The following ECT2 variants were observed in gnomAD, a reference collection of about 807,000 sequenced individuals.
ECT2 encodes the protein protein ECT2.
In ECT2, 61 loss-of-function variants were observed where a neutral mutation model predicts 116.9. The observed-to-expected ratio is 0.52, with a 90% CI of 0.42 to 0.65. The LOEUF (loss-of-function observed/expected upper bound fraction) is 0.65, where lower values mean the gene tolerates loss of function less well. Among genes scored for constraint, ECT2 ranks in the 30% least tolerant of loss-of-function variants. ECT2 has a pLI of 0.00. For missense variants in ECT2, 937 were observed against 1,078.7 expected, an observed-to-expected ratio of 0.87 and a Z score of 1.84; for synonymous variants, 358 against 346.4, an observed-to-expected ratio of 1.03 and a Z score of -0.37.
chr3:172,768,494 C>T lies in ECT2; in HGVS notation c.1292-513C>T, dbSNP rs1363393425. Among the ~76,000 whole-genome samples, 3 of 152,252 alleles carry T rather than the reference C, an allele frequency of 2.0e-5. No homozygotes were observed. The East Asian group carries it at 5.8e-4, about 29-fold the overall frequency. On this transcript the variant is annotated intron_variant, in intron 12 of 24. Transcript: ENST00000392692. ...CCTTTAGCTTTAAGTACTTAAATGT[C>T]TATTTCCTATGATAGAGACATATTT...
At chr3:172,824,637 T>C (rs145181957), downstream of ECT2, among the ~76,000 whole-genome samples, 1,422 of 152,244 alleles carry the variant, frequency 9.3e-3, 7 homozygotes, top group Admixed American at 0.018. Context: ...AAAATTGGCA[T>C]ATAATAATTA....
chr3:172,791,348 TG>T (rs1724622713), intron 18 of ECT2, among the ~76,000 whole-genome samples: 1 of 152,238 alleles, frequency 6.6e-6, no homozygotes, highest in Admixed American at 6.5e-5. Flanking sequence ...GCCTGTCCTT[TG>T]AAGCTCTGAA....
intron 7 of ECT2, among the ~76,000 whole-genome samples, chr3:172,761,281 G>T (rs994559114): frequency 1.3e-5 from 2 of 152,006 alleles, no homozygotes; most frequent in African/African-American, 4.8e-5. Flanking sequence ...GACTTAGTCG[G>T]ATGTCTTCTT....
chr3:172,807,846 A>G lies in ECT2; in HGVS notation c.2322A>G (p.Thr774=). ...ATGTGCTACTCAGTTTCCAGATGACATCAGATGAACTTCCAAAAGAAAACT... is the reference window on the plus strand; with the variant it reads ...ATGTGCTACTCAGTTTCCAGATGACGTCAGATGAACTTCCAAAAGAAAACT... ...QANVLLSFQM[T]SDELPKENWL... Residue 774 remains threonine (T), a synonymous_variant, in exon 22 of 25, where the codon ACA becomes ACG. Coordinates refer to ENST00000392692, the MANE Select transcript of ECT2 (RefSeq NM_001258315.2). The G allele has an allele frequency of 5.0e-6, 8 of 1,614,028 alleles. No individual in the cohort carries two copies. Among genetic ancestry groups the G allele is most frequent in the Non-Finnish European group, 6.8e-6 (8 of 1,179,894 alleles).
At chr3:172,789,057 C>CAA (rs71162310) in intron 18 of ECT2, among the ~76,000 whole-genome samples, 2,774 of 99,180 alleles carry the variant, frequency 0.028, 66 homozygotes, top group African/African-American at 0.044. Flanking sequence ...GACTCTGTCT[C>CAA]AAAAAAAAAA....
intron 18 of ECT2, among the ~76,000 whole-genome samples, chr3:172,798,140 G>A (rs1726068667): frequency 6.6e-6 from 1 of 152,096 alleles, no homozygotes; most frequent in African/African-American, 2.4e-5. Context: ...TTGTGTAAAA[G>A]ACATTGACAA....
intron 18 of ECT2, chr3:172,796,504 G>A (rs10804849): frequency 0.78 from 118,901 of 152,020 alleles, 46,660 homozygotes; most frequent in East Asian, 0.86. Context: ...TCAATTAGCA[G>A]TAATCGCTCC....
chr3:172,775,270 A>G (rs1158951436), intron 14 of ECT2, among the ~76,000 whole-genome samples: 2 of 152,244 alleles, frequency 1.3e-5, no homozygotes, highest in Non-Finnish European at 2.9e-5. Context: ...CCAGTAAAAG[A>G]ACCAATCGGA....
intron 14 of ECT2, among the ~76,000 whole-genome samples, chr3:172,781,142 A>G (rs77396009): frequency 1.3e-5 from 2 of 152,190 alleles, no homozygotes; most frequent in East Asian, 3.9e-4. Context: ...ATATTAATTC[A>G]CTTAAAATAA....
intron 4 of ECT2, among the ~76,000 whole-genome samples, 155 bp downstream of exon 4, chr3:172,755,730 C>T (rs540016932): frequency 6.6e-6 from 1 of 152,206 alleles, no homozygotes; most frequent in East Asian, 1.9e-4. Flanking sequence ...TCCTTAGCTT[C>T]TTTTTTCTCA....
At position 172,809,636 on chromosome 3, in the gene ECT2, A is replaced by G. The variant is rs907823128; in HGVS notation, c.2400+1712A>G. Among the ~76,000 whole-genome samples the G allele has an allele frequency of 4.6e-5, 7 of 151,946 alleles. No homozygotes were observed. In the East Asian group the frequency reaches 7.7e-4, roughly 17 times the overall value. ...GTGAAAGATGTAAAAAGATATAAAAATCTCTGATTCTTTGAATTAGTAATT... is the reference window on the plus strand; with the variant it reads ...GTGAAAGATGTAAAAAGATATAAAAGTCTCTGATTCTTTGAATTAGTAATT... On this transcript the variant is annotated intron_variant, in intron 22 of 24. Coordinates refer to ENST00000392692, the MANE Select transcript of ECT2 (RefSeq NM_001258315.2).
chr3:172,791,920 T>C (rs1413417786), intron 18 of ECT2, among the ~76,000 whole-genome samples: 1 of 152,222 alleles, frequency 6.6e-6, no homozygotes, highest in East Asian at 1.9e-4. Context: ...TTTCTAGCTT[T>C]TGATTTGAAG....
chr3:172,759,204 T>G, intron 6 of ECT2, 135 bp downstream of exon 6: 2 of 591,788 alleles, frequency 3.4e-6, no homozygotes, highest in South Asian at 2.6e-5. Flanking sequence ...TACCAGATTT[T>G]AAATTTTCTG....
At chr3:172,825,009 T>G (rs1730807770), downstream of ECT2, among the ~76,000 whole-genome samples, 1 of 152,206 alleles carries the variant, frequency 6.6e-6, no homozygotes, top group Non-Finnish European at 1.5e-5. Context: ...AGACTAGAGA[T>G]TTGTAGCAAT....
rs1463727009 is a variant in ECT2 at position 172,760,738 on chromosome 3, T to TTG, written c.684+475_684+476insTG. Among the ~76,000 whole-genome samples the TTG allele has an allele frequency of 2.5e-3, 324 of 129,448 alleles. 11 individuals are homozygous for TTG. The highest frequency in any genetic ancestry group is 9.3e-3 in the South Asian group (37 of 3,976). 84.9% of individuals were successfully genotyped at this position (129,448 alleles called of 152,430 possible). ...TTTTTTTTTTTTTTTTTTTTTTTTTTGAGACTGAGTCTCTCTCTGTCACCC... is the reference window on the plus strand; with the variant it reads ...TTTTTTTTTTTTTTTTTTTTTTTTTTTGGAGACTGAGTCTCTCTCTGTCACCC... On this transcript the variant is annotated intron_variant, in intron 7 of 24. Transcript: ENST00000392692.
intron 1 of ECT2, chr3:172,752,046 T>C (rs1379772852): frequency 1.3e-5 from 2 of 152,106 alleles, no homozygotes; most frequent in Admixed American, 6.6e-5. Flanking sequence ...CTCCCTCCCT[T>C]TTATTAATCA....
intron 4 of ECT2, among the ~76,000 whole-genome samples, chr3:172,756,007 C>T (rs1233609581): frequency 1.3e-5 from 2 of 152,254 alleles, no homozygotes; most frequent in East Asian, 1.9e-4. Context: ...CCTTGGCTTG[C>T]AGTGTCCTTT....
intron 14 of ECT2, among the ~76,000 whole-genome samples, chr3:172,776,191 G>GTTTTTTTTTTTTTTTTTTTTTTTT: frequency 9.3e-6 from 1 of 106,982 alleles, no homozygotes; most frequent in African/African-American, 4.0e-5. Context: ...TAGTTTTTCA[G>GTTTTTTTTTTTTTTTTTTTTTTTT]TTTTTTCTTT....
rs186320329 is a variant in ECT2 at position 172,816,096 on chromosome 3, C to G, written c.2508+385C>G. Among the ~76,000 whole-genome samples the G allele has an allele frequency of 1.0e-3, 156 of 152,176 alleles. 2 individuals are homozygous for G. The highest frequency in any genetic ancestry group is 5.0e-3 in the South Asian group (24 of 4,826). On this transcript the variant is annotated intron_variant, in intron 23 of 24. Transcript: ENST00000392692. ...CTCTAGAAGTCTATTTTAGTCTTCT[C>G]GTGATGAAGATAACTTACTTACCTT... is the stretch of plus-strand genomic sequence containing the variant.
Sources: gnomAD v4.1 joint callset for allele counts (sites outside exome capture counted in the v4.1 genomes callset) on GRCh38, gnomAD v4.1.1 for gene constraint, MANE v1.5 for transcripts, NCBI Gene and HGNC (gene_info 2026-07-23, HGNC 2026-07-21) for gene names.